Variants in POPDC3 observed in about 807,000 individuals in gnomAD.
The protein encoded by POPDC3 is popeye domain cAMP effector 3.
Under a neutral mutation model 28.2 loss-of-function variants are expected in POPDC3, and 20 were observed. The observed-to-expected ratio is 0.71, with a 90% CI of 0.50 to 1.03. The LOEUF is 1.03. POPDC3 is among the 50% of genes least tolerant of loss of function. POPDC3 has a pLI of 0.00. For synonymous variants in POPDC3, 118 were observed against 124.1 expected (o/e 0.95, Z 0.33); for missense variants, 316 against 345.9 (o/e 0.91, Z 0.69).
intron 1 of POPDC3, among the ~76,000 whole-genome samples, chr6:105,173,772 G>T (rs993242737): frequency 2.6e-5 from 4 of 151,694 alleles, no homozygotes; most frequent in African/African-American, 9.7e-5. Context: ...TCATTATGGA[G>T]AATAAAGATG....
chr6:105,159,929 C>CCTG, intron 2 of POPDC3, 110 bp from the exon 3 acceptor site: 1 of 667,484 alleles, frequency 1.5e-6, no homozygotes, highest in Non-Finnish European at 2.6e-6. Context: ...GACTCTTGCC[C>CCTG]TTTATGATTT....
At chr6:105,170,598 C>T (rs1774555658) in intron 1 of POPDC3, among the ~76,000 whole-genome samples, 1 of 152,146 alleles carries the variant, frequency 6.6e-6, no homozygotes, top group Non-Finnish European at 1.5e-5. Context: ...AGATATCACG[C>T]TTATTGTCTC....
chr6:105,159,756 A>G lies in POPDC3; in HGVS notation c.549T>C (p.Ser183=). The stretch of plus-strand genomic sequence containing the variant: ...TGGGTCTCAGTGAATCCCACTCAGG[A>G]GAATCCAGGAACTGAAGGGGGAAAA... ...HYIFPLQFLD[S]PEWDSLRPTE... The change falls in exon 3 of 4, where the codon TCT becomes TCC. Residue 183 remains serine, a synonymous_variant. Coordinates refer to ENST00000254765, the MANE Select transcript of POPDC3 (RefSeq NM_022361.5). 6.2e-7 allele frequency: 1 copy of G among 1,613,824 alleles called. No homozygotes were observed. Among genetic ancestry groups the G allele is most frequent in the Non-Finnish European group, 8.5e-7 (1 of 1,179,792 alleles).
In POPDC3 at chr6:105,158,665, G is replaced by A; in HGVS notation, c.681C>T (p.Ile227=). 1 of 1,614,056 alleles carries A rather than the reference G, an allele frequency of 6.2e-7. No individual in the cohort carries two copies. The highest frequency in any genetic ancestry group is 8.5e-7 in the Non-Finnish European group (1 of 1,179,944). The change falls in exon 4 of 4, where the codon ATC becomes ATT. Residue 227 remains isoleucine, a synonymous_variant. Coordinates refer to ENST00000254765, the MANE Select transcript of POPDC3 (RefSeq NM_022361.5). ...CAATTAGCACTGAAAAAAGGCGGGA[G>A]ATGTAGCGATGCTGAGCAAAGAGCA... The part of the protein sequence containing the change: ...LYLLFAQHRY[I]SRLFSVLIGS...
chr6:105,174,845 T>C (rs1774652919), intron 1 of POPDC3, among the ~76,000 whole-genome samples: 1 of 152,210 alleles, frequency 6.6e-6, no homozygotes, highest in Non-Finnish European at 1.5e-5. Flanking sequence ...TTCATCGTGA[T>C]TTCATTTAGT....
chr6:105,175,166 CAA>C (rs1186170432), intron 1 of POPDC3, among the ~76,000 whole-genome samples: 1 of 139,688 alleles, frequency 7.2e-6, no homozygotes. Flanking sequence ...GACTCCATCT[CAA>C]AAAAAAAAAA....
At chr6:105,166,687 G>T (rs1365298323) in intron 1 of POPDC3, 1 of 470,612 alleles carries the variant, frequency 2.1e-6, no homozygotes, top group Non-Finnish European at 4.4e-6. Flanking sequence ...GACCATGGTG[G>T]CCTGAAGTGC....
chr6:105,162,530 G>A (rs9404612), intron 1 of POPDC3, among the ~76,000 whole-genome samples: 6,257 of 152,080 alleles, frequency 0.041, 421 homozygotes, highest in African/African-American at 0.14. Flanking sequence ...CCAGAAGTTC[G>A]AGACCAGCCT....
intron 1 of POPDC3, among the ~76,000 whole-genome samples, chr6:105,170,923 T>A (rs1378588970): frequency 6.6e-6 from 1 of 152,298 alleles, no homozygotes; most frequent in East Asian, 1.9e-4. Flanking sequence ...GGAGGTGGAA[T>A]GGGAATGGTT....
At chr6:105,169,741 G>A (rs192539636) in intron 1 of POPDC3, 57 of 152,200 alleles carry the variant, frequency 3.7e-4, no homozygotes, top group African/African-American at 1.3e-3. Flanking sequence ...AGCATTTACT[G>A]AGCAGATAGT....
rs1300061582 is a variant in POPDC3 at position 105,161,467 on chromosome 6, C to T, written c.443G>A (p.Gly148Glu). ...LEKEHCYAMQ[G>E]KTSIDKLSLL... ...GGAGAGTTTATCAATGGAAGTTTTC[C>T]CCTGCATGGCATAACAGTGTTCCTT... The change falls in exon 2 of 4, where the codon GGG becomes GAG. Residue 148 changes from glycine (G) to glutamate (E), a missense_variant. Gly to Glu is a moderately conservative substitution (Grantham distance 98, BLOSUM62 -2). Transcript: ENST00000254765. The T allele has an allele frequency of 1.2e-6, 2 of 1,613,908 alleles. No homozygotes were observed. Among genetic ancestry groups the T allele is most frequent in the African/African-American group, 2.7e-5 (2 of 74,906 alleles).
At chr6:105,159,206 G>GT (rs1344059968) in intron 3 of POPDC3, among the ~76,000 whole-genome samples, 1 of 152,158 alleles carries the variant, frequency 6.6e-6, no homozygotes, top group Admixed American at 6.5e-5. Context: ...AGAAAACTGT[G>GT]TAACAAAATA....
At chr6:105,173,398 CAT>C (rs1017214572) in intron 1 of POPDC3, among the ~76,000 whole-genome samples, 22 of 152,108 alleles carry the variant, frequency 1.4e-4, no homozygotes, top group African/African-American at 4.6e-4. Flanking sequence ...TATAATGTAA[CAT>C]GTGTTTGGAA....
intron 1 of POPDC3, chr6:105,179,213 AG>A: frequency 1.8e-5 from 18 of 985,380 alleles, no homozygotes; most frequent in Non-Finnish European, 2.2e-5. Flanking sequence ...CTTTTTTGGC[AG>A]GGGGATCCCC....
rs956500112 is a variant in POPDC3 at position 105,179,309 on chromosome 6, A to C, written c.-252+524T>G. 3 of 947,418 alleles carry C rather than the reference A, an allele frequency of 3.2e-6. No individual in the cohort carries two copies. The African/African-American group carries it at 5.3e-5, about 17-fold the overall frequency. The allele number at this position is 947,418 out of a possible 1,614,324, so 58.7% of individuals were successfully genotyped here. A position where few individuals can be genotyped will look rare whatever the true frequency, so the allele number is the denominator to read the frequency against. On this transcript the variant is annotated intron_variant, in intron 1 of 3. Transcript: ENST00000254765. ...CTGTGAGAACAGTGTGAGAGCACTG[A>C]CACCAGTCAGGCCCTTTGCTTACAG...
At chr6:105,176,012 C>T (rs1774676904) in intron 1 of POPDC3, among the ~76,000 whole-genome samples, 1 of 152,132 alleles carries the variant, frequency 6.6e-6, no homozygotes, top group South Asian at 2.1e-4. Flanking sequence ...AGAAACTTTT[C>T]TCTTAGTTTG....
At chr6:105,172,597 T>C (rs2114544947) in intron 1 of POPDC3, among the ~76,000 whole-genome samples, 1 of 150,944 alleles carries the variant, frequency 6.6e-6, no homozygotes, top group African/African-American at 2.4e-5. Flanking sequence ...ATATGTTTAT[T>C]GCGTCACTAT....
In POPDC3 at chr6:105,158,210, C is replaced by T. The variant is rs1202309378; in HGVS notation, c.*260G>A. On this transcript the variant is annotated 3_prime_UTR_variant, in exon 4 of 4. Transcript: ENST00000254765. ...TTGAGAAAGTGGAATTTCATTCTCCCAGTTTTGATGCAGAAAAGGGCAAAC... is the reference window on the plus strand; with the variant it reads ...TTGAGAAAGTGGAATTTCATTCTCCTAGTTTTGATGCAGAAAAGGGCAAAC... 4 of 395,940 alleles carry T rather than the reference C, an allele frequency of 1.0e-5. No homozygotes were observed. The highest frequency in any genetic ancestry group is 1.8e-5 in the Non-Finnish European group (4 of 222,320). The allele number at this position is 395,940 out of a possible 1,614,324, so 24.5% of individuals were successfully genotyped here.
chr6:105,162,147 T>C lies in POPDC3; in HGVS notation c.-238A>G. On this transcript the variant is annotated 5_prime_UTR_variant, in exon 2 of 4. The change creates a new upstream start codon in the 5' untranslated region. Transcript: ENST00000254765. ...TCCTGATTTGGATCCAGTCTGCAAA[T>C]ATTTTGGTATTTCCTATGCAAGAGA... The C allele has an allele frequency of 1.6e-6, 2 of 1,260,214 alleles. No individual in the cohort carries two copies. Among genetic ancestry groups the C allele is most frequent in the Non-Finnish European group, 2.0e-6 (2 of 1,005,736 alleles). The allele number at this position is 1,260,214 out of a possible 1,614,324, so 78.1% of individuals were successfully genotyped here. A position where few individuals can be genotyped will look rare whatever the true frequency, so the allele number is the denominator to read the frequency against.
Sources: gnomAD v4.1 joint callset for allele counts (sites outside exome capture counted in the v4.1 genomes callset) on GRCh38, gnomAD v4.1.1 for gene constraint, MANE v1.5 for transcripts, NCBI Gene and HGNC (gene_info 2026-07-23, HGNC 2026-07-21) for gene names.